The following KANSL1L variants were observed in gnomAD, a reference collection of about 807,000 sequenced individuals.
KANSL1L encodes the protein KAT8 regulatory NSL complex subunit 1 like.
Under a neutral mutation model 108.6 loss-of-function variants are expected in KANSL1L, and 25 were observed. The ratio of observed to expected loss-of-function variants is 0.23; its 90% CI spans 0.17 to 0.32. The LOEUF is 0.32. KANSL1L is among the 10% of genes least tolerant of loss of function. KANSL1L has a pLI of 1.00. For missense variants in KANSL1L, 1,137 were observed against 1,125.7 expected (o/e 1.01, Z -0.14); for synonymous variants, 405 against 395.1 (o/e 1.03, Z -0.30).
chr2:210,103,135 C>A, intron 4 of KANSL1L, among the ~76,000 whole-genome samples: 1 of 152,038 alleles, frequency 6.6e-6, no homozygotes, highest in Admixed American at 6.6e-5. Context: ...TACTATGTAG[C>A]CATAAAAAAG....
At chr2:210,139,902 TG>T (rs1278878000) in intron 2 of KANSL1L, among the ~76,000 whole-genome samples, 2 of 152,064 alleles carry the variant, frequency 1.3e-5, no homozygotes, top group Non-Finnish European at 2.9e-5. Context: ...CCACCATGCC[TG>T]GCTAACTTTT....
Position 210,025,227 on chromosome 2 carries a change from A to G in KANSL1L, c.2452-11T>C. On this transcript the variant is annotated splice_polypyrimidine_tract_variant and intron_variant, in intron 12 of 14. Transcript: ENST00000281772. The stretch of plus-strand genomic sequence containing the variant: ...AGAAAGATCTTCTATCTGGAATTAG[A>G]AATAAAGATTTTTGTTTTAATCAGA... 2 of 1,450,798 alleles carry G rather than the reference A, an allele frequency of 1.4e-6. No homozygotes were observed. The highest frequency in any genetic ancestry group is 1.9e-6 in the Non-Finnish European group (2 of 1,031,366). The allele number at this position is 1,450,798 out of a possible 1,614,324, so 89.9% of individuals were successfully genotyped here. A position where few individuals can be genotyped will look rare whatever the true frequency, so the allele number is the denominator to read the frequency against.
Position 210,098,159 on chromosome 2 carries a change from A to G in KANSL1L, c.1477T>C (p.Leu493=). Residue 493 remains leucine, a synonymous_variant, in exon 5 of 15, where the codon TTG becomes CTG. Transcript: ENST00000281772. ...IINSLIAPLN[L]SPTSSPLSSK... is the part of the protein sequence containing the mutation. ...GAGAGGGGTGATGAAGTTGGGGACA[A>G]GTTGAGAGGGGCAATCAAACTGTTG... The G allele has an allele frequency of 6.2e-7, 1 of 1,612,558 alleles. No homozygotes were observed. Among genetic ancestry groups the G allele is most frequent in the East Asian group, 2.2e-5 (1 of 44,726 alleles).
chr2:210,162,222 G>A (rs371848267), intron 1 of KANSL1L, among the ~76,000 whole-genome samples: 53 of 107,478 alleles, frequency 4.9e-4, no homozygotes, highest in South Asian at 1.8e-3. Flanking sequence ...AGTGGTTCAG[G>A]TATATATATA....
At chr2:210,028,019 T>C (rs539747429) in intron 11 of KANSL1L, among the ~76,000 whole-genome samples, 1 of 152,340 alleles carries the variant, frequency 6.6e-6, no homozygotes, top group Non-Finnish European at 1.5e-5. Context: ...CACCTGTCTC[T>C]GTTTGCAGCC....
chr2:210,156,145 T>C (rs1332831622), intron 1 of KANSL1L, among the ~76,000 whole-genome samples: 1 of 152,146 alleles, frequency 6.6e-6, no homozygotes, highest in Admixed American at 6.6e-5. Flanking sequence ...TCACAGATGA[T>C]GACATCCAAA....
chr2:210,031,937 A>C (rs770970944), intron 8 of KANSL1L, among the ~76,000 whole-genome samples: 1 of 152,204 alleles, frequency 6.6e-6, no homozygotes, highest in Non-Finnish European at 1.5e-5. Context: ...GCGAGCAAGA[A>C]CCAGAATCAT....
intron 2 of KANSL1L, among the ~76,000 whole-genome samples, chr2:210,130,354 T>C (rs2095109109): frequency 6.6e-6 from 1 of 152,242 alleles, no homozygotes; most frequent in Admixed American, 6.5e-5. Context: ...TTTTTTAAAA[T>C]GCACTGGACC....
At chr2:210,117,057 GAAAC>G in intron 3 of KANSL1L, among the ~76,000 whole-genome samples, 1 of 152,098 alleles carries the variant, frequency 6.6e-6, no homozygotes, top group East Asian at 1.9e-4. Flanking sequence ...CAGTTAAAAA[GAAAC>G]AAGCAGAAAT....
rs548956721 is a variant in KANSL1L, at chr2:210,139,097, T to TCAAAA, written c.1089-9930_1089-9926dup. Among the ~76,000 whole-genome samples, 442 of 152,182 alleles carry TCAAAA rather than the reference T, an allele frequency of 2.9e-3. 2 individuals carry two copies. The highest frequency in any genetic ancestry group is 4.7e-3 in the Non-Finnish European group (318 of 67,988). On this transcript the variant is annotated intron_variant, in intron 2 of 14. Transcript: ENST00000281772. Reference sequence around the variant, plus strand: ...CTGGGCAACAAAGCAAGACTCCATCTCAAAACAAAACAAAACAAAACAAAA... The same window carrying TCAAAA: ...CTGGGCAACAAAGCAAGACTCCATCTCAAAACAAAACAAAACAAAACAAAACAAAA...
intron 2 of KANSL1L, among the ~76,000 whole-genome samples, chr2:210,147,286 C>G (rs1200536158): frequency 6.6e-6 from 1 of 152,060 alleles, no homozygotes; most frequent in Admixed American, 6.6e-5. Context: ...ATAGCTAAAC[C>G]TTGTCTCTAC....
rs1553653239 is a variant in KANSL1L, at chr2:210,079,648, A to ATATGTG, written c.1551-3893_1551-3892insCACATA. Reference sequence around the variant, plus strand: ...TATATATATATATATATATATATATATATATATATATATATATGTATGTGT... The same window carrying ATATGTG: ...TATATATATATATATATATATATATATATGTGTATATATATATATATATGTATGTGT... On this transcript the variant is annotated intron_variant, in intron 5 of 14. Transcript: ENST00000281772. Among the ~76,000 whole-genome samples, 5 of 15,200 alleles carry ATATGTG rather than the reference A, an allele frequency of 3.3e-4. No individual in the cohort carries two copies. The East Asian group carries it at 0.013, about 38-fold the overall frequency. The allele number at this position is 15,200 out of a possible 152,430, so 10.0% of individuals were successfully genotyped here. A position where few individuals can be genotyped will look rare whatever the true frequency, so the allele number is the denominator to read the frequency against.
rs191500469 is a variant in KANSL1L, at chr2:210,052,779, G to A, written c.1756-8675C>T. ...AATGCCTAGGCACTGTGTGGCACACGGTAGGTACTTAATATTTCTTTACTA... is the reference window on the plus strand; with the variant it reads ...AATGCCTAGGCACTGTGTGGCACACAGTAGGTACTTAATATTTCTTTACTA... On this transcript the variant is annotated intron_variant, in intron 6 of 14. Coordinates refer to ENST00000281772, the MANE Select transcript of KANSL1L (RefSeq NM_152519.4). Among the ~76,000 whole-genome samples the A allele has an allele frequency of 2.2e-4, 33 of 152,182 alleles. 1 individual carries two copies. Among genetic ancestry groups the A allele is most frequent in the African/African-American group, 7.2e-4 (30 of 41,514 alleles).
In KANSL1L at chr2:210,126,642, C is replaced by T. The variant is rs571384907; in HGVS notation, c.1230+2389G>A. On this transcript the variant is annotated intron_variant, in intron 3 of 14. Transcript: ENST00000281772. Reference sequence around the variant, plus strand: ...ACTAACCTGGCCAACATGGCAAAATCCCGTCTCTACTAAAAATACAAAAAT... The same window carrying T: ...ACTAACCTGGCCAACATGGCAAAATTCCGTCTCTACTAAAAATACAAAAAT... Among the ~76,000 whole-genome samples, 68 of 152,160 alleles carry T rather than the reference C, an allele frequency of 4.5e-4. 2 individuals carry two copies. In the South Asian group the frequency reaches 0.014, roughly 30 times the overall value.
At chr2:210,160,362 A>C (rs1467578364) in intron 1 of KANSL1L, among the ~76,000 whole-genome samples, 1 of 152,114 alleles carries the variant, frequency 6.6e-6, no homozygotes, top group East Asian at 1.9e-4. Context: ...AAAAAAAAAG[A>C]AATAAAAAGC....
Position 210,094,435 on chromosome 2 carries a change from T to A in KANSL1L, c.1550+3651A>T, listed in dbSNP as rs189051094. On this transcript the variant is annotated intron_variant, in intron 5 of 14. Coordinates refer to ENST00000281772, the MANE Select transcript of KANSL1L (RefSeq NM_152519.4). ...CCTTTGAATCTGAAAGATGTTTTCT[T>A]CATATACAACTATGTGAAGGAAAAA... Among the ~76,000 whole-genome samples, 170 of 152,180 alleles carry A rather than the reference T, an allele frequency of 1.1e-3. 2 individuals carry two copies. Among genetic ancestry groups the A allele is most frequent in the Non-Finnish European group, 6.5e-4 (44 of 67,956 alleles).
chr2:210,156,437 TAACAA>T (rs940325299), intron 1 of KANSL1L, among the ~76,000 whole-genome samples: 9 of 151,608 alleles, frequency 5.9e-5, no homozygotes, highest in Non-Finnish European at 1.2e-4. Flanking sequence ...TGTCTAACAA[TAACAA>T]AACAGAGAAT....
At chr2:210,029,662 G>A (rs1575361922) in intron 10 of KANSL1L, 141 bp downstream of exon 10, 1 of 289,324 alleles carries the variant, frequency 3.5e-6, no homozygotes, top group Non-Finnish European at 6.3e-6. Context: ...CAAATATATT[G>A]TTTTCTAACA....
chr2:210,136,641 T>C (rs2095176440), intron 2 of KANSL1L, among the ~76,000 whole-genome samples: 1 of 152,152 alleles, frequency 6.6e-6, no homozygotes, highest in Non-Finnish European at 1.5e-5. Context: ...TGGATGAAGA[T>C]GCAAGTAAAA....
Sources: allele counts gnomAD v4.1 joint callset (sites outside exome capture counted in the v4.1 genomes callset), GRCh38; gene constraint gnomAD v4.1.1; transcripts MANE v1.5; gene names NCBI Gene and HGNC (gene_info 2026-07-23, HGNC 2026-07-21).